Variants in MAN1B1 observed in about 807,000 individuals in gnomAD.
MAN1B1 encodes mannosidase alpha class 1B member 1.
A neutral mutation model predicts 75.5 loss-of-function variants in MAN1B1; 66 were observed. The ratio of observed to expected loss-of-function variants is 0.87; its 90% CI spans 0.72 to 1.07. The LOEUF (loss-of-function observed/expected upper bound fraction) is 1.07, where lower values mean the gene tolerates loss of function less well. Among genes scored for constraint, MAN1B1 ranks in the 50% least tolerant of loss-of-function variants. The pLI, the probability that MAN1B1 is intolerant of heterozygous loss-of-function variation, is 0.00. For missense variants in MAN1B1, 973 were observed against 912.5 expected (o/e 1.07, Z -0.85); for synonymous variants, 453 against 382.8 (o/e 1.18, Z -2.14).
chr9:137,096,423 G>A (rs774413510), intron 4 of MAN1B1, 32 bp downstream of exon 4: 8 of 1,608,956 alleles, frequency 5.0e-6, no homozygotes, highest in Admixed American at 1.7e-5. Flanking sequence ...GCACGCCGCC[G>A]CTCAGGGCTT....
At chr9:137,096,863 C>T (rs369340450) in intron 4 of MAN1B1, among the ~76,000 whole-genome samples, 21 of 152,340 alleles carry the variant, frequency 1.4e-4, no homozygotes, top group East Asian at 5.8e-4. Flanking sequence ...GCCTCGTTTC[C>T]GGCTCCATGT....
chr9:137,108,194 G>A (rs1831186741), intron 12 of MAN1B1, 194 bp from the exon 13 acceptor site: 4 of 632,162 alleles, frequency 6.3e-6, no homozygotes, highest in Non-Finnish European at 1.1e-5. Context: ...GTCACTTGAG[G>A]GTTGTTGGCA....
intron 8 of MAN1B1, chr9:137,103,331 G>A (rs1830958069): frequency 4.5e-6 from 2 of 442,544 alleles, no homozygotes; most frequent in Non-Finnish European, 4.5e-6. Flanking sequence ...GGTCGGTGGT[G>A]TTACACATTT....
chr9:137,088,306 C>T, intron 2 of MAN1B1, 123 bp downstream of exon 2: 1 of 1,608,334 alleles, frequency 6.2e-7, no homozygotes, highest in Non-Finnish European at 8.5e-7. Context: ...GGCAAGAAAT[C>T]AAGATAAAGA....
intron 12 of MAN1B1, chr9:137,107,883 G>C (rs1158913414): frequency 7.5e-6 from 5 of 668,672 alleles, no homozygotes; most frequent in Non-Finnish European, 1.1e-5. Flanking sequence ...ACTTGGAGGG[G>C]CTGGGCACCC....
rs1195258709 is a variant in MAN1B1 at position 137,101,933 on chromosome 9, T to TCA, written c.1254+261_1254+262insCA. On this transcript the variant is annotated intron_variant, in intron 8 of 12. Coordinates refer to ENST00000371589, the MANE Select transcript of MAN1B1 (RefSeq NM_016219.5). The stretch of plus-strand genomic sequence containing the variant: ...TGCAGGTCGGTGGTGTTACACACAT[T>TCA]TGGGCTGTTGCAGGCGTACAGGTCA... The TCA allele has an allele frequency of 5.5e-6, 3 of 543,592 alleles. No individual in the cohort carries two copies. The African/African-American group carries it at 6.9e-5, about 13-fold the overall frequency. 33.7% of individuals were successfully genotyped at this position (543,592 alleles called of 1,614,324 possible).
rs1830798853 is a variant in MAN1B1, at chr9:137,101,159, T to G, written c.1065+6T>G. On this transcript the variant is annotated splice_donor_region_variant and intron_variant, in intron 7 of 12. Transcript: ENST00000371589. ...GCCTCTTCCTGAGGAAAGCTGTAAGTGTCTTGGGGTGTCCTGCAGGGAGAT... is the reference window on the plus strand; with the variant it reads ...GCCTCTTCCTGAGGAAAGCTGTAAGGGTCTTGGGGTGTCCTGCAGGGAGAT... The G allele has an allele frequency of 6.2e-7, 1 of 1,613,416 alleles. No individual in the cohort carries two copies. The highest frequency in any genetic ancestry group is 1.3e-5 in the African/African-American group (1 of 74,916).
rs201437066 is a variant in MAN1B1, at chr9:137,103,204, G to A, written c.1254+1532G>A. ...TACACACATTCACACTGTTGCAGGC[G>A]TGCAGGTCGGTGGTGTTACACACAT... On this transcript the variant is annotated intron_variant, in intron 8 of 12. Transcript: ENST00000371589. The A allele has an allele frequency of 6.6e-4, 289 of 438,610 alleles. 4 individuals carry two copies. The highest frequency in any genetic ancestry group is 1.8e-3 in the African/African-American group (82 of 44,572). 27.2% of individuals were successfully genotyped at this position (438,610 alleles called of 1,614,324 possible).
At chr9:137,094,454 AAC>A (rs889836390) in intron 3 of MAN1B1, 1 of 434,576 alleles carries the variant, frequency 2.3e-6, no homozygotes. Context: ...AGACTAGAGA[AAC>A]ACAGTGGAAC....
At chr9:137,107,761 G>A (rs1831169912) in intron 12 of MAN1B1, 99 bp downstream of exon 12, 1 of 1,587,928 alleles carries the variant, frequency 6.3e-7, no homozygotes, top group Admixed American at 1.7e-5. Context: ...TGGTGGCTGT[G>A]ACCTGGATCC....
chr9:137,107,307 C>G lies in MAN1B1; in HGVS notation c.1624C>G (p.Pro542Ala). 1.2e-6 allele frequency: 2 copies of G among 1,613,128 alleles called. No individual in the cohort carries two copies. Among genetic ancestry groups the G allele is most frequent in the Non-Finnish European group, 1.7e-6 (2 of 1,179,992 alleles). ...TLALGVYHGL[P>A]ASHMELAQEL... ...GGCTCTGGGCGTCTACCACGGCCTGCCCGCCAGCCACATGGAGCTGGCCCA... is the reference window on the plus strand; with the variant it reads ...GGCTCTGGGCGTCTACCACGGCCTGGCCGCCAGCCACATGGAGCTGGCCCA... Residue 542 changes from proline (P) to alanine (A), a missense_variant, in exon 11 of 13, where the codon CCC becomes GCC. By Grantham distance (27) the Pro-to-Ala change is conservative. Transcript: ENST00000371589.
rs754105996 is a variant in MAN1B1, at chr9:137,101,161, T to G, written c.1065+8T>G. ...CTCTTCCTGAGGAAAGCTGTAAGTGTCTTGGGGTGTCCTGCAGGGAGATGG... is the reference window on the plus strand; with the variant it reads ...CTCTTCCTGAGGAAAGCTGTAAGTGGCTTGGGGTGTCCTGCAGGGAGATGG... On this transcript the variant is annotated splice_region_variant and intron_variant, in intron 7 of 12. Coordinates refer to ENST00000371589, the MANE Select transcript of MAN1B1 (RefSeq NM_016219.5). 13 of 1,613,362 alleles carry G rather than the reference T, an allele frequency of 8.1e-6. No individual in the cohort carries two copies. In the South Asian group the frequency reaches 1.3e-4, roughly 16 times the overall value.
rs1431416123 is a variant in MAN1B1 at position 137,108,531 on chromosome 9, C to T, written c.2040C>T (p.Ser680=). 1 of 1,613,878 alleles carries T rather than the reference C, an allele frequency of 6.2e-7. No homozygotes were observed. Among genetic ancestry groups the T allele is most frequent in the Non-Finnish European group, 8.5e-7 (1 of 1,180,014 alleles). ...LLFSDDPNLL[S]LDAYVFNTEA... Reference sequence around the variant, plus strand: ...TCTCCGATGACCCAAACCTGCTCAGCCTGGATGCCTACGTGTTCAACACCG... The same window carrying T: ...TCTCCGATGACCCAAACCTGCTCAGTCTGGATGCCTACGTGTTCAACACCG... The change falls in exon 13 of 13, where the codon AGC becomes AGT. Residue 680 remains serine (S), a synonymous_variant. Coordinates refer to ENST00000371589, the MANE Select transcript of MAN1B1 (RefSeq NM_016219.5).
rs768853804 is a variant in MAN1B1 at position 137,099,640 on chromosome 9, C to G, written c.731-56C>G. 53 of 1,574,144 alleles carry G rather than the reference C, an allele frequency of 3.4e-5. 1 individual carries two copies. Among genetic ancestry groups the G allele is most frequent in the Non-Finnish European group, 4.2e-5 (48 of 1,145,308 alleles). ...CAGTGCTCTGCCTGAGGGTGTCCATCTGTGCCGACGCCAGGACCACGTCCG... is the reference window on the plus strand; with the variant it reads ...CAGTGCTCTGCCTGAGGGTGTCCATGTGTGCCGACGCCAGGACCACGTCCG... On this transcript the variant is annotated intron_variant, in intron 5 of 12. Transcript: ENST00000371589.
At chr9:137,089,343 C>G in intron 3 of MAN1B1, 1 of 383,144 alleles carries the variant, frequency 2.6e-6, no homozygotes, top group South Asian at 2.2e-5. Flanking sequence ...GGTGTACATC[C>G]TATGTGGAAA....
intron 3 of MAN1B1, among the ~76,000 whole-genome samples, chr9:137,092,178 C>T (rs991074019): frequency 2.6e-5 from 4 of 151,128 alleles, no homozygotes; most frequent in Admixed American, 6.6e-5. Flanking sequence ...CTGGGTAACA[C>T]GGTGAGACCA....
chr9:137,092,103 G>A (rs867605616), intron 3 of MAN1B1, among the ~76,000 whole-genome samples: 1 of 152,142 alleles, frequency 6.6e-6, no homozygotes, highest in Non-Finnish European at 1.5e-5. Context: ...GGCTGGGTAT[G>A]GTGGCTCACA....
At position 137,106,169 on chromosome 9, in the gene MAN1B1, G is replaced by C. The variant is rs201942029; in HGVS notation, c.1299G>C (p.Gly433=). ...CACAGCACATCCACGGCCTGTCTGG[G>C]AAGAAGGATGGGCTGGTGCCCATGT... The part of the protein sequence containing the change: ...KVTQHIHGLS[G]KKDGLVPMFI... The change falls in exon 9 of 13, where the codon GGG becomes GGC. Residue 433 remains glycine (G), a synonymous_variant. Transcript: ENST00000371589. 1.0e-4 allele frequency: 167 copies of C among 1,612,968 alleles called. 1 individual carries two copies. Among genetic ancestry groups the C allele is most frequent in the Admixed American group, 1.7e-4 (10 of 59,990 alleles).
intron 3 of MAN1B1, among the ~76,000 whole-genome samples, chr9:137,092,398 TA>T (rs1426100661): frequency 6.6e-6 from 1 of 152,194 alleles, no homozygotes; most frequent in African/African-American, 2.4e-5. Context: ...CATTGAGGGT[TA>T]GGGGCTGGAT....
Sources: gnomAD v4.1 joint callset for allele counts (sites outside exome capture counted in the v4.1 genomes callset) on GRCh38, gnomAD v4.1.1 for gene constraint, MANE v1.5 for transcripts, NCBI Gene and HGNC (gene_info 2026-07-23, HGNC 2026-07-21) for gene names.